The following DPP10 variants were observed in gnomAD, a reference collection of about 807,000 sequenced individuals.
DPP10 encodes the protein dipeptidyl peptidase like 10.
Under a neutral mutation model 120.9 loss-of-function variants are expected in DPP10, and 33 were observed. That is an observed-to-expected ratio of 0.27 (90% CI 0.21 to 0.37). DPP10 has a LOEUF of 0.37. DPP10 is among the 10% of genes least tolerant of loss of function. The pLI is 1.00. For missense variants in DPP10, 816 were observed against 942.8 expected (o/e 0.87, Z 1.76); for synonymous variants, 337 against 326.1 (o/e 1.03, Z -0.36).
At chr2:114,744,920 T>A (rs1678433096) in intron 1 of DPP10, among the ~76,000 whole-genome samples, 1 of 152,054 alleles carries the variant, frequency 6.6e-6, no homozygotes, top group Non-Finnish European at 1.5e-5. Flanking sequence ...CATTACCACG[T>A]CTGGCCAATT....
At chr2:114,616,953 A>G (rs1693720896) in intron 1 of DPP10, among the ~76,000 whole-genome samples, 1 of 152,148 alleles carries the variant, frequency 6.6e-6, no homozygotes, top group South Asian at 2.1e-4. Context: ...AAAGTGATTA[A>G]CCTGAAATTA....
chr2:115,775,409 A>T (rs1681978539), intron 13 of DPP10, among the ~76,000 whole-genome samples: 1 of 152,054 alleles, frequency 6.6e-6, no homozygotes, highest in South Asian at 2.1e-4. Context: ...AGATTTTAAA[A>T]ATATTAAAAG....
chr2:115,716,969 A>G (rs1193233243), intron 7 of DPP10, among the ~76,000 whole-genome samples: 1 of 152,244 alleles, frequency 6.6e-6, no homozygotes, highest in Non-Finnish European at 1.5e-5. Context: ...GGAATCTGTT[A>G]TAAGAATTTT....
intron 1 of DPP10, among the ~76,000 whole-genome samples, chr2:114,609,610 A>G (rs1490101461): frequency 1.3e-5 from 2 of 150,754 alleles, no homozygotes; most frequent in Non-Finnish European, 3.0e-5. Flanking sequence ...AATCTCAGGC[A>G]CAGAAAGCCA....
At chr2:115,317,122 T>C (rs528816518) in intron 2 of DPP10, among the ~76,000 whole-genome samples, 52 of 152,122 alleles carry the variant, frequency 3.4e-4, no homozygotes, top group Admixed American at 1.1e-3. Context: ...TTCCAAAACA[T>C]ATTCATCACC....
At chr2:115,271,177 A>G (rs2059685608) in intron 1 of DPP10, among the ~76,000 whole-genome samples, 1 of 152,242 alleles carries the variant, frequency 6.6e-6, no homozygotes. Context: ...TTCTTTTTAG[A>G]GGAAATTAAA....
chr2:114,585,713 A>G (rs1035808437), intron 1 of DPP10, among the ~76,000 whole-genome samples: 3 of 152,168 alleles, frequency 2.0e-5, no homozygotes, highest in Non-Finnish European at 2.9e-5. Context: ...TTCAACAGCT[A>G]CACAGTGTCC....
Position 115,621,493 on chromosome 2 carries a change from C to G in DPP10, c.442-68194C>G, listed in dbSNP as rs1016677360. ...TTTTATGGATTGTTTTTTAAACTGACTTTGCTTCTATGCAGGCCTTTCACT... is the reference window on the plus strand; with the variant it reads ...TTTTATGGATTGTTTTTTAAACTGAGTTTGCTTCTATGCAGGCCTTTCACT... On this transcript the variant is annotated intron_variant, in intron 5 of 25. Transcript: ENST00000410059. Among the ~76,000 whole-genome samples the G allele has an allele frequency of 4.6e-5, 7 of 152,188 alleles. No individual in the cohort carries two copies. The East Asian group carries it at 1.4e-3, about 29-fold the overall frequency.
intron 5 of DPP10, among the ~76,000 whole-genome samples, chr2:115,565,542 T>TAA (rs200920902): frequency 2.0e-5 from 3 of 151,446 alleles, no homozygotes; most frequent in African/African-American, 7.3e-5. Flanking sequence ...TCCTCAAGGA[T>TAA]AAAAAAAAAT....
At chr2:115,404,379 C>A (rs1328335372) in intron 3 of DPP10, among the ~76,000 whole-genome samples, 2 of 152,100 alleles carry the variant, frequency 1.3e-5, no homozygotes, top group African/African-American at 4.8e-5. Flanking sequence ...CACCTCTAAC[C>A]AGGCCCCATC....
At chr2:114,847,644 C>G (rs1688645555) in intron 1 of DPP10, among the ~76,000 whole-genome samples, 1 of 152,058 alleles carries the variant, frequency 6.6e-6, no homozygotes, top group African/African-American at 2.4e-5. Context: ...CTAGAGACAG[C>G]CTTTTGCATG....
chr2:114,899,194 A>G (rs1423798406), intron 1 of DPP10, among the ~76,000 whole-genome samples: 1 of 151,962 alleles, frequency 6.6e-6, no homozygotes, highest in Admixed American at 6.6e-5. Flanking sequence ...ATAAGAATAT[A>G]GTATTATGCA....
At chr2:114,975,735 C>T (rs1699712067) in intron 1 of DPP10, among the ~76,000 whole-genome samples, 2 of 152,166 alleles carry the variant, frequency 1.3e-5, no homozygotes, top group Admixed American at 6.6e-5. Context: ...GCTGCAACTT[C>T]GACCTCCTGG....
chr2:115,050,457 TC>T (rs111765206), intron 1 of DPP10, among the ~76,000 whole-genome samples: 3 of 152,264 alleles, frequency 2.0e-5, no homozygotes, highest in African/African-American at 7.2e-5. Context: ...CATGGAACTC[TC>T]CCAGTGCTGA....
intron 5 of DPP10, among the ~76,000 whole-genome samples, chr2:115,552,750 ACC>A (rs2079954611): frequency 2.0e-5 from 3 of 152,202 alleles, no homozygotes; most frequent in Non-Finnish European, 2.9e-5. Context: ...TTAATGAAAA[ACC>A]TTACTCAGAA....
chr2:115,479,937 C>G (rs1262804342), intron 3 of DPP10, among the ~76,000 whole-genome samples: 3 of 152,090 alleles, frequency 2.0e-5, no homozygotes, highest in Non-Finnish European at 4.4e-5. Flanking sequence ...GCGTCCACAC[C>G]TGAATTTGCC....
intron 1 of DPP10, among the ~76,000 whole-genome samples, chr2:114,696,257 T>A (rs1237044543): frequency 1.3e-5 from 2 of 152,018 alleles, no homozygotes; most frequent in Non-Finnish European, 2.9e-5. Flanking sequence ...CCTAAATTTG[T>A]CCATATGAAA....
chr2:114,979,319 A>C (rs112520219), intron 1 of DPP10, among the ~76,000 whole-genome samples: 1 of 151,984 alleles, frequency 6.6e-6, no homozygotes, highest in African/African-American at 2.4e-5. Context: ...AAAATCTTAA[A>C]ATTTTTAAAA....
At chr2:114,987,804 C>CTTTTTTTTTTT (rs59203543) in intron 1 of DPP10, among the ~76,000 whole-genome samples, 14,792 of 99,786 alleles carry the variant, frequency 0.15, 1,911 homozygotes, top group East Asian at 0.26. Flanking sequence ...TGGAGACTGT[C>CTTTTTTTTTTT]TTTTTTTTTT....
Sources: gnomAD v4.1 joint callset for allele counts (sites outside exome capture counted in the v4.1 genomes callset) on GRCh38, gnomAD v4.1.1 for gene constraint, MANE v1.5 for transcripts, NCBI Gene and HGNC (gene_info 2026-07-23, HGNC 2026-07-21) for gene names.